The following NALCN variants were observed in gnomAD, a reference collection of about 807,000 sequenced individuals.
The protein encoded by NALCN is sodium leak channel NALCN.
NALCN carries 111 observed loss-of-function variants against 225.3 expected under a neutral mutation model. The ratio of observed to expected loss-of-function variants is 0.49; its 90% confidence interval spans 0.42 to 0.58. NALCN has a LOEUF of 0.58. Ranked by LOEUF, NALCN falls within the 20% of genes least tolerant of loss-of-function variation. The pLI is 0.00. For synonymous variants in NALCN, 764 were observed against 769.0 expected (o/e 0.99, Z 0.11); for missense variants, 1,378 against 2,202.4 (o/e 0.63, Z 7.49).
chr13:101,176,186 C>T (rs1237298134), intron 15 of NALCN, 114 bp downstream of exon 15: 2 of 643,346 alleles, frequency 3.1e-6, no homozygotes, highest in Non-Finnish European at 4.8e-6. Context: ...CTTCGATAGC[C>T]TTATTACATT....
Position 101,104,723 on chromosome 13 carries a change from T to A in NALCN, c.2637-73A>T. On this transcript the variant is annotated intron_variant, in intron 23 of 43. Transcript: ENST00000251127. The surrounding 1 kb of genome is among the most constrained non-coding windows in gnomAD (Gnocchi z 4.2). Reference sequence around the variant, plus strand: ...GCTTCTAAGAGTTAGAGATGATGGCTTCTGTGGCTCTATCAACATGACTGG... The same window carrying A: ...GCTTCTAAGAGTTAGAGATGATGGCATCTGTGGCTCTATCAACATGACTGG... 1 of 1,596,360 alleles carries A rather than the reference T, an allele frequency of 6.3e-7. No homozygotes were observed. The highest frequency in any genetic ancestry group is 8.6e-7 in the Non-Finnish European group (1 of 1,168,404).
intron 13 of NALCN, among the ~76,000 whole-genome samples, chr13:101,195,639 C>T (rs1045545987): frequency 3.9e-5 from 6 of 152,142 alleles, no homozygotes; most frequent in Non-Finnish European, 8.8e-5. Context: ...ATGCCTATCC[C>T]TATTTAGGAT....
chr13:101,256,333 C>A (rs2042227733), intron 11 of NALCN, among the ~76,000 whole-genome samples: 1 of 152,104 alleles, frequency 6.6e-6, no homozygotes, highest in African/African-American at 2.4e-5. Context: ...CCACATCCAA[C>A]AGAAACCACA....
At chr13:101,333,721 A>AT (rs2045265482) in intron 7 of NALCN, among the ~76,000 whole-genome samples, 1 of 152,140 alleles carries the variant, frequency 6.6e-6, no homozygotes, top group Admixed American at 6.5e-5. Context: ...CACTATTATT[A>AT]TTTTTTGCTC....
intron 11 of NALCN, among the ~76,000 whole-genome samples, chr13:101,240,860 A>G (rs1435869951): frequency 6.6e-6 from 1 of 152,172 alleles, no homozygotes; most frequent in Non-Finnish European, 1.5e-5. Context: ...TTTTTGGAAA[A>G]AAACTCTAGA....
intron 36 of NALCN, 109 bp from the exon 37 acceptor site, chr13:101,073,786 G>T (rs2033066706): frequency 1.2e-6 from 1 of 851,302 alleles, no homozygotes; most frequent in Non-Finnish European, 1.8e-6. Context: ...AAATTTGGTT[G>T]CTAAGTCACC....
At chr13:101,324,945 G>A (rs1254938586) in intron 7 of NALCN, among the ~76,000 whole-genome samples, 8 of 152,070 alleles carry the variant, frequency 5.3e-5, no homozygotes, top group Admixed American at 2.0e-4. Context: ...TTTGAGATAC[G>A]TCCCATCAAT....
At chr13:101,101,876 A>G (rs2034840626) in intron 26 of NALCN, among the ~76,000 whole-genome samples, 2 of 152,198 alleles carry the variant, frequency 1.3e-5, no homozygotes, top group Non-Finnish European at 2.9e-5. Context: ...AGGGAAAGGC[A>G]CAAATTCTCC....
chr13:101,285,552 A>AG lies in NALCN; in HGVS notation c.1048-1534dup, dbSNP rs1358875513. Among the ~76,000 whole-genome samples, 30 of 152,136 alleles carry AG rather than the reference A, an allele frequency of 2.0e-4. No individual in the cohort carries two copies. In the South Asian group the frequency reaches 6.0e-3, roughly 31 times the overall value. ...AACTCCTGAGCTCAGGCAATCCCCCAGCTTCTGCCTCCTATATGTATTTTT... is the reference window on the plus strand; with the variant it reads ...AACTCCTGAGCTCAGGCAATCCCCCAGGCTTCTGCCTCCTATATGTATTTTT... On this transcript the variant is annotated intron_variant, in intron 9 of 43. Transcript: ENST00000251127.
At chr13:101,261,001 T>C (rs1263655914) in intron 10 of NALCN, among the ~76,000 whole-genome samples, 1 of 152,208 alleles carries the variant, frequency 6.6e-6, no homozygotes, top group African/African-American at 2.4e-5. Flanking sequence ...AATTTCATAG[T>C]TTGAGGTCAT....
chr13:101,333,250 G>A (rs1004794997), intron 7 of NALCN, among the ~76,000 whole-genome samples: 4 of 152,154 alleles, frequency 2.6e-5, no homozygotes, highest in African/African-American at 9.6e-5. Context: ...TGTGGTAGTG[G>A]TTGTTATTTT....
Position 101,257,635 on chromosome 13 carries a change from T to A in NALCN, c.1266+808A>T, listed in dbSNP as rs187784227. On this transcript the variant is annotated intron_variant, in intron 11 of 43. Transcript: ENST00000251127. The stretch of plus-strand genomic sequence containing the variant: ...TTTACTTTTTCATAGGTTGGATTTA[T>A]TGAAGCGTTGTACAACTGTGTATGT... Among the ~76,000 whole-genome samples, 433 of 152,286 alleles carry A rather than the reference T, an allele frequency of 2.8e-3. 2 individuals are homozygous for A. Among genetic ancestry groups the A allele is most frequent in the South Asian group, 5.6e-3 (27 of 4,822 alleles).
intron 3 of NALCN, among the ~76,000 whole-genome samples, chr13:101,388,444 T>C (rs1268479624): frequency 6.6e-6 from 1 of 152,156 alleles, no homozygotes; most frequent in African/African-American, 2.4e-5. Context: ...ATTTTGGTTG[T>C]AGTAAATAGC....
chr13:101,125,051 G>A (rs904837393), intron 17 of NALCN, among the ~76,000 whole-genome samples: 2 of 152,112 alleles, frequency 1.3e-5, no homozygotes, highest in East Asian at 3.9e-4. Flanking sequence ...TTCTTGGCCT[G>A]TAACCTAACA....
rs1441801072 is a variant in NALCN, at chr13:101,129,006, G to A, written c.2119-4325C>T. Among the ~76,000 whole-genome samples the A allele has an allele frequency of 3.3e-5, 5 of 152,208 alleles. No individual in the cohort carries two copies. The East Asian group carries it at 9.6e-4, about 29-fold the overall frequency. ...TTTCATCCCTTTGGCAAGGCCATAGGTGGTGTCAGATTCTTCCATCGAAAG... is the reference window on the plus strand; with the variant it reads ...TTTCATCCCTTTGGCAAGGCCATAGATGGTGTCAGATTCTTCCATCGAAAG... On this transcript the variant is annotated intron_variant, in intron 17 of 43. Transcript: ENST00000251127.
At chr13:101,322,647 C>T (rs2044786540) in intron 7 of NALCN, among the ~76,000 whole-genome samples, 1 of 152,042 alleles carries the variant, frequency 6.6e-6, no homozygotes, top group Non-Finnish European at 1.5e-5. Flanking sequence ...AAATAGAAAC[C>T]ACTTGTTTTA....
At position 101,312,863 on chromosome 13, in the gene NALCN, C is replaced by T. The variant is rs539477640; in HGVS notation, c.800-20497G>A. ...GTTCATATGGAACCAAAAAAGAGCC[C>T]GCATCACCAAGTCAATCCTAAGCCA... On this transcript the variant is annotated intron_variant, in intron 7 of 43. Transcript: ENST00000251127. Among the ~76,000 whole-genome samples, 147 of 152,154 alleles carry T rather than the reference C, an allele frequency of 9.7e-4. 2 individuals are homozygous for T. The highest frequency in any genetic ancestry group is 1.6e-3 in the Non-Finnish European group (108 of 68,004).
intron 7 of NALCN, among the ~76,000 whole-genome samples, chr13:101,332,565 C>G (rs557671651): frequency 6.6e-6 from 1 of 152,002 alleles, no homozygotes; most frequent in Non-Finnish European, 1.5e-5. Context: ...AAAAATAAGA[C>G]AAATTAAAGC....
intron 35 of NALCN, 116 bp downstream of exon 35, chr13:101,075,757 T>C: frequency 1.4e-6 from 1 of 700,704 alleles, no homozygotes; most frequent in South Asian, 2.6e-5. Flanking sequence ...TTATGATGTC[T>C]AGTAATTTGT....
Sources: allele counts gnomAD v4.1 joint callset (sites outside exome capture counted in the v4.1 genomes callset), GRCh38; gene constraint gnomAD v4.1.1; non-coding constraint Gnocchi (gnomAD v3.1); transcripts MANE v1.5; gene names NCBI Gene and HGNC (gene_info 2026-07-23, HGNC 2026-07-21).